DNAH5: variants seen among roughly 807,000 people sequenced by gnomAD.
The protein encoded by DNAH5 is axonemal beta dynein heavy chain 5.
A neutral mutation model predicts 518.2 loss-of-function variants in DNAH5; 372 were observed. That is an observed-to-expected ratio of 0.72 (90% CI 0.66 to 0.78). The LOEUF (loss-of-function observed/expected upper bound fraction) is 0.78, where lower values mean the gene tolerates loss of function less well. DNAH5 is among the 30% of genes least tolerant of loss of function. The probability of loss-of-function intolerance (pLI) is 0.00; values close to 1 mark genes in which losing one functional copy is unlikely to be tolerated. For synonymous variants in DNAH5, 2,039 were observed against 2,025.9 expected (o/e 1.01, Z -0.17); for missense variants, 5,523 against 5,687.0 (o/e 0.97, Z 0.93).
chr5:13,896,814 A>G (rs898824382), intron 15 of DNAH5: 12 of 152,226 alleles, frequency 7.9e-5, no homozygotes, highest in Admixed American at 7.9e-4. Flanking sequence ...GTTCATATGT[A>G]ACCATGTCAA....
In DNAH5 at chr5:13,815,969, C is replaced by T. The variant is rs115490177; in HGVS notation, c.6989-1123G>A. 2.0e-5 allele frequency among the ~76,000 whole-genome samples: 3 copies of T among 152,308 alleles called. 1 individual carries two copies. The South Asian group carries it at 6.2e-4, about 32-fold the overall frequency. Reference sequence around the variant, plus strand: ...GTAACCCTTAGGCTTCTGGCATGGTCTCCTGTGTTTGCTCCCCTTTCTTCC... The same window carrying T: ...GTAACCCTTAGGCTTCTGGCATGGTTTCCTGTGTTTGCTCCCCTTTCTTCC... On this transcript the variant is annotated intron_variant, in intron 42 of 78. Transcript: ENST00000265104.
Position 13,930,421 on chromosome 5 carries a change from T to C in DNAH5, c.192+689A>G, listed in dbSNP as rs77947604. Among the ~76,000 whole-genome samples, 50 of 152,256 alleles carry C rather than the reference T, an allele frequency of 3.3e-4. No homozygotes were observed. In the East Asian group the frequency reaches 9.5e-3, roughly 29 times the overall value. On this transcript the variant is annotated intron_variant, in intron 2 of 78. Transcript: ENST00000265104. The stretch of plus-strand genomic sequence containing the variant: ...TTGTTAAAATTTACAAGACTACCAC[T>C]GAAAAGAATTCCCAACGGTGTGGCA...
rs374902528 is a variant in DNAH5 at position 13,920,537 on chromosome 5, A to G, written c.741T>C (p.Pro247=). Residue 247 remains proline, a synonymous_variant, in exon 6 of 79, where the codon CCT becomes CCC. Coordinates refer to ENST00000265104, the MANE Select transcript of DNAH5 (RefSeq NM_001369.3). Reference sequence around the variant, plus strand: ...AATCCTCTATTTTTCCCAAAGTCTCAGGGTTATTTGCTAGAGTCAAGTAGT... The same window carrying G: ...AATCCTCTATTTTTCCCAAAGTCTCGGGGTTATTTGCTAGAGTCAAGTAGT... ...PTDYLTLANN[P]ETLGKIEDCM... 8.7e-6 allele frequency: 14 copies of G among 1,614,168 alleles called. No individual in the cohort carries two copies. The highest frequency in any genetic ancestry group is 1.1e-5 in the Non-Finnish European group (13 of 1,180,016).
intron 27 of DNAH5, 112 bp downstream of exon 27, chr5:13,865,556 C>T (rs968528061): frequency 2.6e-6 from 2 of 780,468 alleles, no homozygotes; most frequent in Admixed American, 1.7e-5. Context: ...AAGAACAATG[C>T]AGCAAGATGT....
chr5:13,943,374 T>C (rs1345633795), intron 1 of DNAH5, among the ~76,000 whole-genome samples: 1 of 152,258 alleles, frequency 6.6e-6, no homozygotes, highest in African/African-American at 2.4e-5. Context: ...ACAAGGACTC[T>C]ATAAGACATC....
Position 13,751,340 on chromosome 5 carries a change from G to T in DNAH5, c.11029-80C>A, listed in dbSNP as rs541249999. On this transcript the variant is annotated intron_variant, in intron 64 of 78. Coordinates refer to ENST00000265104, the MANE Select transcript of DNAH5 (RefSeq NM_001369.3). The stretch of plus-strand genomic sequence containing the variant: ...TCTTTTTTGTATCAGATCAAGTATT[G>T]TTTTAAATAATTACATAATTGGAGA... 6.9e-5 allele frequency: 90 copies of T among 1,305,894 alleles called. No homozygotes were observed. In the African/African-American group the frequency reaches 1.3e-3, roughly 18 times the overall value. The allele number at this position is 1,305,894 out of a possible 1,614,324, so 80.9% of individuals were successfully genotyped here.
At chr5:13,813,612 G>T (rs555665450) in intron 43 of DNAH5, among the ~76,000 whole-genome samples, 2 of 152,084 alleles carry the variant, frequency 1.3e-5, no homozygotes, top group African/African-American at 2.4e-5. Context: ...TCTCCTTAAT[G>T]GGTGGATAAT....
chr5:13,746,532 G>A (rs897041929), intron 65 of DNAH5, among the ~76,000 whole-genome samples: 1 of 152,076 alleles, frequency 6.6e-6, no homozygotes, highest in South Asian at 2.1e-4. Context: ...AATTTCCACA[G>A]GCCTATGAAG....
chr5:13,848,142 T>C (rs1766304152), intron 31 of DNAH5, among the ~76,000 whole-genome samples: 1 of 152,230 alleles, frequency 6.6e-6, no homozygotes, highest in Admixed American at 6.5e-5. Flanking sequence ...GACAACAATC[T>C]TTTTGTCCTT....
At chr5:13,940,373 ACCATATAACTCAAATGGCCCTTAC>A (rs1010145036) in intron 1 of DNAH5, among the ~76,000 whole-genome samples, 4 of 152,296 alleles carry the variant, frequency 2.6e-5, no homozygotes, top group Admixed American at 6.5e-5. Context: ...GGCAGCAGGG[ACCATATAACTCAAATGGCCCTTAC>A]CCATATGCTA....
chr5:13,941,015 A>T (rs543893656), intron 1 of DNAH5, among the ~76,000 whole-genome samples: 2 of 152,178 alleles, frequency 1.3e-5, no homozygotes, highest in Non-Finnish European at 2.9e-5. Context: ...ATGATGGGGC[A>T]TCTTTTGGCC....
At chr5:13,897,202 C>T (rs72735055) in intron 15 of DNAH5, among the ~76,000 whole-genome samples, 18,482 of 152,154 alleles carry the variant, frequency 0.12, 1,494 homozygotes, top group Middle Eastern at 0.23. Flanking sequence ...AAGATTCTTT[C>T]AATGTCCATA....
intron 66 of DNAH5, among the ~76,000 whole-genome samples, chr5:13,736,953 AT>A (rs1280631273): frequency 6.6e-6 from 1 of 152,224 alleles, no homozygotes; most frequent in Non-Finnish European, 1.5e-5. Flanking sequence ...GATTTCCCTA[AT>A]TTGTAGTCAT....
At chr5:13,739,569 T>C (rs1050969937) in intron 65 of DNAH5, among the ~76,000 whole-genome samples, 2 of 152,240 alleles carry the variant, frequency 1.3e-5, no homozygotes, top group African/African-American at 4.8e-5. Context: ...GTAGGTTTTA[T>C]AGATTCTACT....
At chr5:13,708,596 C>T (rs929177361) in intron 75 of DNAH5, among the ~76,000 whole-genome samples, 1 of 152,100 alleles carries the variant, frequency 6.6e-6, no homozygotes, top group Non-Finnish European at 1.5e-5. Context: ...AATGCATGAC[C>T]ACAACCATGC....
chr5:13,992,867 C>T (rs1261166038), intron 1 of DNAH5, among the ~76,000 whole-genome samples: 1 of 152,186 alleles, frequency 6.6e-6, no homozygotes, highest in Non-Finnish European at 1.5e-5. Flanking sequence ...CAAGGTGAAG[C>T]TTAATCAGCC....
intron 29 of DNAH5, chr5:13,860,305 A>G (rs1057084674): frequency 6.6e-6 from 1 of 152,516 alleles, no homozygotes; most frequent in African/African-American, 2.4e-5. Context: ...TTCCCTTTGC[A>G]GTAATGTGCA....
intron 69 of DNAH5, 148 bp from the exon 70 acceptor site, chr5:13,727,804 G>T: frequency 1.1e-6 from 1 of 907,900 alleles, no homozygotes; most frequent in Non-Finnish European, 1.7e-6. Context: ...ATTATAGAAA[G>T]TTTGACAGTG....
intron 55 of DNAH5, among the ~76,000 whole-genome samples, chr5:13,774,741 G>C (rs934527711): frequency 6.6e-6 from 1 of 152,164 alleles, no homozygotes; most frequent in Admixed American, 6.6e-5. Context: ...GTTTGTGTTG[G>C]TGTGATAAGA....
Sources: allele counts gnomAD v4.1 joint callset (sites outside exome capture counted in the v4.1 genomes callset), GRCh38; gene constraint gnomAD v4.1.1; transcripts MANE v1.5; gene names NCBI Gene and HGNC (gene_info 2026-07-23, HGNC 2026-07-21).